CRKL: variants seen among roughly 807,000 people sequenced by gnomAD.
The protein encoded by CRKL is CRK like proto-oncogene, adaptor protein.
Under a neutral mutation model 23.0 loss-of-function variants are expected in CRKL, and 3 were observed. That is an observed-to-expected ratio of 0.13 (90% confidence interval 0.06 to 0.34). The LOEUF (loss-of-function observed/expected upper bound fraction) is 0.34. Among genes scored for constraint, CRKL ranks in the 10% least tolerant of loss-of-function variants. The pLI is 1.00. For missense variants in CRKL, 256 were observed against 394.5 expected, an observed-to-expected ratio of 0.65 and a Z score of 2.97; for synonymous variants, 188 against 160.7, an observed-to-expected ratio of 1.17 and a Z score of -1.28.
chr22:20,935,587 C>T (rs1047387424), intron 2 of CRKL, among the ~76,000 whole-genome samples: 10 of 148,000 alleles, frequency 6.8e-5, no homozygotes, highest in African/African-American at 1.8e-4. Flanking sequence ...AGTGCAGTGG[C>T]GTGATCTTGG....
intron 1 of CRKL, among the ~76,000 whole-genome samples, chr22:20,924,003 A>G (rs949876987): frequency 6.6e-6 from 1 of 152,068 alleles, no homozygotes; most frequent in Non-Finnish European, 1.5e-5. Context: ...CCCTGGCAAG[A>G]TAGTGAGACC....
intron 1 of CRKL, among the ~76,000 whole-genome samples, chr22:20,924,944 C>T (rs766474835): frequency 3.3e-5 from 5 of 152,116 alleles, no homozygotes; most frequent in Non-Finnish European, 7.4e-5. Flanking sequence ...AATCCCAGCA[C>T]TGTGGGAGGC....
rs1922340405 is a variant in CRKL at position 20,953,179 on chromosome 22, A to G, written c.*3334A>G. ...TATGGTTATTAACCTCTTAAACATG[A>G]ATGAATTCTTGATTGTTTTAACACA... On this transcript the variant is annotated 3_prime_UTR_variant, in exon 3 of 3. Coordinates refer to ENST00000354336, the MANE Select transcript of CRKL (RefSeq NM_005207.4). 4.3e-6 allele frequency: 1 copy of G among 231,882 alleles called. No homozygotes were observed. The allele number at this position is 231,882 out of a possible 1,614,324, so 14.4% of individuals were successfully genotyped here.
rs1555920697 is a variant in CRKL, at chr22:20,941,538, A to ATATGTGTGTG, written c.777+7295_777+7296insATGTGTGTGT. ...GTATGTGTATATATATATATATTTT[A>ATATGTGTGTG]TGTGTGTGTGTGTGTGTGTGTGTGT... On this transcript the variant is annotated intron_variant, in intron 2 of 2. Transcript: ENST00000354336. 1.8e-4 allele frequency among the ~76,000 whole-genome samples: 9 copies of ATATGTGTGTG among 50,436 alleles called. 1 individual carries two copies. The highest frequency in any genetic ancestry group is 6.7e-4 in the African/African-American group (9 of 13,382). 33.1% of individuals were successfully genotyped at this position (50,436 alleles called of 152,430 possible). A position where few individuals can be genotyped will look rare whatever the true frequency, so the allele number is the denominator to read the frequency against.
chr22:20,931,999 GACGGGGTTTC>G (rs1162036561), intron 1 of CRKL, among the ~76,000 whole-genome samples: 1 of 151,928 alleles, frequency 6.6e-6, no homozygotes, highest in Admixed American at 6.6e-5. Flanking sequence ...TTTTAGTAGA[GACGGGGTTTC>G]ACCGTGTTAG....
rs750745536 is a variant in CRKL, at chr22:20,951,572, G to A, written c.*1727G>A. On this transcript the variant is annotated 3_prime_UTR_variant, in exon 3 of 3. Coordinates refer to ENST00000354336, the MANE Select transcript of CRKL (RefSeq NM_005207.4). ...TGGTAAAGAAAAGCCTCAGCTCATA[G>A]TGAACACAGCAGACCTAGAAATGTA... is the stretch of plus-strand genomic sequence containing the variant. 1 of 224,900 alleles carries A rather than the reference G, an allele frequency of 4.4e-6. No homozygotes were observed. The highest frequency in any genetic ancestry group is 8.9e-6 in the Non-Finnish European group (1 of 112,988). The allele number at this position is 224,900 out of a possible 1,614,324, so 13.9% of individuals were successfully genotyped here. A position where few individuals can be genotyped will look rare whatever the true frequency, so the allele number is the denominator to read the frequency against.
chr22:20,919,393 C>T (rs1929805654), intron 1 of CRKL, among the ~76,000 whole-genome samples: 1 of 152,070 alleles, frequency 6.6e-6, no homozygotes, highest in South Asian at 2.1e-4. Context: ...TAGTTGTATC[C>T]TAGTTCAATT....
At position 20,950,660 on chromosome 22, in the gene CRKL, G is replaced by A. The variant is rs538214183; in HGVS notation, c.*815G>A. Reference sequence around the variant, plus strand: ...ACTCCTGACTTCAGGTGATCCACCCGCCTTCAGCCTCCCAACGTGCTGGGA... The same window carrying A: ...ACTCCTGACTTCAGGTGATCCACCCACCTTCAGCCTCCCAACGTGCTGGGA... On this transcript the variant is annotated 3_prime_UTR_variant, in exon 3 of 3. Transcript: ENST00000354336. 4.6e-5 allele frequency: 10 copies of A among 216,480 alleles called. No individual in the cohort carries two copies. Among genetic ancestry groups the A allele is most frequent in the East Asian group, 4.2e-4 (6 of 14,330 alleles). 13.4% of individuals were successfully genotyped at this position (216,480 alleles called of 1,614,324 possible). A position where few individuals can be genotyped will look rare whatever the true frequency, so the allele number is the denominator to read the frequency against.
chr22:20,937,939 C>T (rs1601681710), intron 2 of CRKL, among the ~76,000 whole-genome samples: 1 of 151,956 alleles, frequency 6.6e-6, no homozygotes, highest in Admixed American at 6.6e-5. Flanking sequence ...GCATGATCTC[C>T]GCTCGCTGCA....
intron 1 of CRKL, among the ~76,000 whole-genome samples, chr22:20,928,477 C>T (rs529481438): frequency 4.6e-5 from 7 of 151,344 alleles, no homozygotes; most frequent in African/African-American, 1.7e-4. Flanking sequence ...ACAAAACAAG[C>T]CAAAAAAAAC....
At chr22:20,937,202 A>G (rs1046943640) in intron 2 of CRKL, among the ~76,000 whole-genome samples, 1 of 152,144 alleles carries the variant, frequency 6.6e-6, no homozygotes, top group African/African-American at 2.4e-5. Context: ...GCACAGGTGC[A>G]TGCCTCTGGC....
intron 2 of CRKL, among the ~76,000 whole-genome samples, chr22:20,935,145 C>CT (rs1328195420): frequency 6.6e-6 from 1 of 151,780 alleles, no homozygotes; most frequent in Non-Finnish European, 1.5e-5. Context: ...TGGAGTCTTA[C>CT]TTTGTCACCC....
intron 2 of CRKL, 44 bp downstream of exon 2, chr22:20,934,288 G>C (rs2147906317): frequency 6.6e-7 from 1 of 1,518,860 alleles, no homozygotes; most frequent in African/African-American, 1.4e-5. Context: ...TTGACATTTG[G>C]TTTTAATTTT....
chr22:20,917,799 G>A lies in CRKL; in HGVS notation c.-136G>A. On this transcript the variant is annotated 5_prime_UTR_variant, in exon 1 of 3. Transcript: ENST00000354336. The stretch of plus-strand genomic sequence containing the variant: ...GCCCGGAGCCGAGAGGAAAGTGCTG[G>A]CCCAGCCCTCTGAGCGCTCCTCGAG... The A allele has an allele frequency of 2.4e-6, 2 of 840,386 alleles. No individual in the cohort carries two copies. Among genetic ancestry groups the A allele is most frequent in the Non-Finnish European group, 3.6e-6 (2 of 553,166 alleles). The allele number at this position is 840,386 out of a possible 1,614,324, so 52.1% of individuals were successfully genotyped here.
At position 20,918,224 on chromosome 22, in the gene CRKL, C is replaced by T. The variant is rs773484875; in HGVS notation, c.290C>T (p.Thr97Ile). The T allele has an allele frequency of 4.3e-6, 7 of 1,614,018 alleles. No homozygotes were observed. The South Asian group carries it at 4.4e-5, about 10-fold the overall frequency. ...FYKIHYLDTT[T>I]LIEPAPRYPS... ...AAGATCCACTACCTGGACACCACCACCCTCATCGAGCCTGCGCCCAGGTAC... is the reference window on the plus strand; with the variant it reads ...AAGATCCACTACCTGGACACCACCATCCTCATCGAGCCTGCGCCCAGGTAC... The change falls in exon 1 of 3, where the codon ACC (threonine) becomes ATC (isoleucine). Residue 97 changes from threonine to isoleucine, a missense_variant. By Grantham distance (89) the Thr-to-Ile change is moderately conservative. This residue lies in a region of CRKL where 85 missense variants were observed against 139.8 expected (regional missense o/e 0.61). Transcript: ENST00000354336.
At position 20,920,719 on chromosome 22, in the gene CRKL, T is replaced by C. The variant is rs563735824; in HGVS notation, c.311+2474T>C. Among the ~76,000 whole-genome samples, 64 of 152,186 alleles carry C rather than the reference T, an allele frequency of 4.2e-4. 4 individuals carry two copies. The South Asian group carries it at 0.013, about 31-fold the overall frequency. The stretch of plus-strand genomic sequence containing the variant: ...TTATTCCCTGGTAGCCATCCTTCCT[T>C]ACTCATACCTTTGTACCTTTGCACC... On this transcript the variant is annotated intron_variant, in intron 1 of 2. Coordinates refer to ENST00000354336, the MANE Select transcript of CRKL (RefSeq NM_005207.4).
intron 1 of CRKL, among the ~76,000 whole-genome samples, chr22:20,925,515 G>A (rs868254824): frequency 6.6e-6 from 1 of 152,126 alleles, no homozygotes; most frequent in African/African-American, 2.4e-5. Flanking sequence ...ACTTCGTCTC[G>A]GAAAACAAAA....
At chr22:20,947,261 G>C (rs5761471) in intron 2 of CRKL, among the ~76,000 whole-genome samples, 94 of 143,626 alleles carry the variant, frequency 6.5e-4, no homozygotes, top group Admixed American at 5.6e-4. Context: ...TTTTTCAATA[G>C]AAGCTAGGTC....
intron 2 of CRKL, among the ~76,000 whole-genome samples, chr22:20,939,582 A>C (rs79444834): frequency 0.013 from 1,933 of 151,702 alleles, 41 homozygotes; most frequent in African/African-American, 0.044. Context: ...CTCATGTTGT[A>C]TGGCTGTGGT....
Sources: allele counts gnomAD v4.1 joint callset (sites outside exome capture counted in the v4.1 genomes callset), GRCh38; gene constraint gnomAD v4.1.1; regional missense constraint gnomAD v4.1.1; transcripts MANE v1.5; gene names NCBI Gene and HGNC (gene_info 2026-07-23, HGNC 2026-07-21).